ANKRD27: variants seen among roughly 807,000 people sequenced by gnomAD.
ANKRD27 encodes the protein ankyrin repeat domain-containing protein 27.
Under a neutral mutation model 129.7 loss-of-function variants are expected in ANKRD27, and 112 were observed. That is an observed-to-expected ratio of 0.86 (90% CI 0.74 to 1.01). ANKRD27 has a LOEUF of 1.01. Among genes scored for constraint, ANKRD27 ranks in the 50% least tolerant of loss-of-function variants. The pLI is 0.00. For synonymous variants in ANKRD27, 516 were observed against 511.2 expected (o/e 1.01, Z -0.13); for missense variants, 1,258 against 1,300.5 (o/e 0.97, Z 0.50).
At chr19:32,671,120 C>A (rs1243115407) in intron 1 of ANKRD27, among the ~76,000 whole-genome samples, 2 of 151,936 alleles carry the variant, frequency 1.3e-5, no homozygotes, top group Non-Finnish European at 2.9e-5. Flanking sequence ...CAAAGTGAGA[C>A]CCTGTCTCTA....
At chr19:32,604,131 A>T in intron 25 of ANKRD27, 132 bp downstream of exon 25, 1 of 1,043,560 alleles carries the variant, frequency 9.6e-7, no homozygotes, top group Non-Finnish European at 1.3e-6. Context: ...GACTTCTGGC[A>T]CACCAACTAC....
At chr19:32,632,171 C>T (rs970805553) in intron 12 of ANKRD27, among the ~76,000 whole-genome samples, 1 of 152,012 alleles carries the variant, frequency 6.6e-6, no homozygotes, top group Non-Finnish European at 1.5e-5. Flanking sequence ...TGCCTGTAGT[C>T]CCAGTTACTT....
rs761307804 is a variant in ANKRD27, at chr19:32,607,741, C to A, written c.2267G>T (p.Arg756Leu). 1 of 1,612,878 alleles carries A rather than the reference C, an allele frequency of 6.2e-7. No individual in the cohort carries two copies. The highest frequency in any genetic ancestry group is 8.5e-7 in the Non-Finnish European group (1 of 1,179,606). Residue 756 changes from arginine (R) to leucine (L), a missense_variant, in exon 23 of 29, where the codon CGG becomes CTG. Coordinates refer to ENST00000306065, the MANE Select transcript of ANKRD27 (RefSeq NM_032139.3). ...SPLHVAALHG[R>L]ADLIPLLLKH... is the part of the protein sequence containing the mutation. ...CAGCAGGAGGGGGATGAGGTCCGCC[C>A]GGCCGTGCAGGGCGGCGACATGCAG...
intron 12 of ANKRD27, chr19:32,638,270 CAG>C (rs1568409997): frequency 1.3e-5 from 2 of 152,332 alleles, no homozygotes; most frequent in African/African-American, 4.8e-5. Flanking sequence ...CAGACTCAGA[CAG>C]ATGTCGGGAC....
At chr19:32,658,785 A>T in intron 2 of ANKRD27, 129 bp downstream of exon 2, 1 of 812,008 alleles carries the variant, frequency 1.2e-6, no homozygotes, top group Non-Finnish European at 2.0e-6. Context: ...GCTCACTCAC[A>T]GACCAAGCAC....
intron 12 of ANKRD27, among the ~76,000 whole-genome samples, chr19:32,634,375 T>A (rs1302643448): frequency 2.0e-5 from 3 of 152,192 alleles, no homozygotes; most frequent in African/African-American, 7.2e-5. Context: ...TACGAGCATC[T>A]CTCAATACCT....
chr19:32,662,603 G>C (rs987547431), intron 1 of ANKRD27, among the ~76,000 whole-genome samples: 19 of 152,108 alleles, frequency 1.2e-4, no homozygotes, highest in Admixed American at 7.2e-4. Context: ...TTATCCAGGT[G>C]TGCTGGCACA....
intron 12 of ANKRD27, chr19:32,637,378 G>C (rs1488504075): frequency 6.6e-6 from 1 of 152,166 alleles, no homozygotes; most frequent in Non-Finnish European, 1.5e-5. Flanking sequence ...GACAACCATG[G>C]TTCAAGATTC....
chr19:32,671,098 C>T (rs1440015936), intron 1 of ANKRD27, among the ~76,000 whole-genome samples: 1 of 151,914 alleles, frequency 6.6e-6, no homozygotes, highest in Non-Finnish European at 1.5e-5. Context: ...AGTTCAAGAC[C>T]AGCCTGAGCA....
At chr19:32,628,674 C>G in intron 14 of ANKRD27, 48 bp downstream of exon 14, 1 of 1,609,926 alleles carries the variant, frequency 6.2e-7, no homozygotes, top group Non-Finnish European at 8.5e-7. Flanking sequence ...TCCAGGAGGC[C>G]TGTCTCCTGC....
At chr19:32,603,157 G>A (rs1971677752) in intron 25 of ANKRD27, among the ~76,000 whole-genome samples, 1 of 152,000 alleles carries the variant, frequency 6.6e-6, no homozygotes, top group Non-Finnish European at 1.5e-5. Context: ...ATTTAGCCAG[G>A]TGTGGTGCCA....
At chr19:32,650,119 T>C (rs1337729120) in intron 2 of ANKRD27, among the ~76,000 whole-genome samples, 2 of 152,108 alleles carry the variant, frequency 1.3e-5, no homozygotes, top group African/African-American at 2.4e-5. Flanking sequence ...CCCAGGCTAG[T>C]GGCCCCAGGC....
At chr19:32,633,265 A>G (rs1034252300) in intron 12 of ANKRD27, among the ~76,000 whole-genome samples, 1 of 152,036 alleles carries the variant, frequency 6.6e-6, no homozygotes, top group Non-Finnish European at 1.5e-5. Flanking sequence ...CAGTAACGTA[A>G]GGAAGGCCAG....
chr19:32,646,658 C>G, intron 3 of ANKRD27, 43 bp from the exon 4 acceptor site: 1 of 1,595,264 alleles, frequency 6.3e-7, no homozygotes. Context: ...GCCGGGGCAA[C>G]CACATCCCAC....
At chr19:32,599,528 A>G (rs538459892) in intron 28 of ANKRD27, among the ~76,000 whole-genome samples, 176 bp downstream of exon 28, 9 of 152,354 alleles carry the variant, frequency 5.9e-5, no homozygotes, top group African/African-American at 9.6e-5. Flanking sequence ...TATAACAATC[A>G]GTGAAGTCTG....
chr19:32,674,620 C>G (rs1432968949), intron 1 of ANKRD27, among the ~76,000 whole-genome samples: 1 of 152,158 alleles, frequency 6.6e-6, no homozygotes, highest in Admixed American at 6.5e-5. Flanking sequence ...CCGCTCCGCG[C>G]CCTCATCACC....
At chr19:32,670,606 G>A (rs1007083046) in intron 1 of ANKRD27, among the ~76,000 whole-genome samples, 8 of 152,068 alleles carry the variant, frequency 5.3e-5, no homozygotes, top group Admixed American at 2.6e-4. Context: ...CCCAGGAGGC[G>A]GAGGTTGCAG....
chr19:32,611,360 GA>G (rs1971833069), intron 22 of ANKRD27, among the ~76,000 whole-genome samples: 1 of 152,142 alleles, frequency 6.6e-6, no homozygotes, highest in Non-Finnish European at 1.5e-5. Context: ...CCACCTCGGG[GA>G]AATTGTGTTC....
intron 22 of ANKRD27, among the ~76,000 whole-genome samples, chr19:32,611,828 G>A (rs1189404790): frequency 6.6e-6 from 1 of 152,150 alleles, no homozygotes; most frequent in Non-Finnish European, 1.5e-5. Context: ...TGATCTACCC[G>A]CCTCGGCCTC....
Sources: gnomAD v4.1 joint callset for allele counts (sites outside exome capture counted in the v4.1 genomes callset) on GRCh38, gnomAD v4.1.1 for gene constraint, MANE v1.5 for transcripts, NCBI Gene and HGNC (gene_info 2026-07-23, HGNC 2026-07-21) for gene names.